The following EDNRB variants were observed in gnomAD, a reference collection of about 807,000 sequenced individuals.
EDNRB encodes endothelin receptor type B, also known as Hirschsprung disease 2.
Under a neutral mutation model 46.4 loss-of-function variants are expected in EDNRB, and 18 were observed. The ratio of observed to expected loss-of-function variants is 0.39; its 90% CI spans 0.27 to 0.57. EDNRB has a LOEUF of 0.57. Ranked by LOEUF, EDNRB falls within the 20% of genes least tolerant of loss-of-function variation. EDNRB has a pLI of 0.61. For synonymous variants in EDNRB, 213 were observed against 204.9 expected (o/e 1.04, Z -0.34); for missense variants, 434 against 537.5 (o/e 0.81, Z 1.90).
At position 77,936,417 on chromosome 13, in the gene EDNRB, C is replaced by G. The variant is rs1387760672; in HGVS notation, c.-51-17793G>C. On this transcript the variant is annotated intron_variant, in intron 1 of 7. Transcript: ENST00000646948. ...GTTTAGAAGCCTGGCCATCAATACCCACAACAGTTATGGAGGCAAGGGAAA... is the reference window on the plus strand; with the variant it reads ...GTTTAGAAGCCTGGCCATCAATACCGACAACAGTTATGGAGGCAAGGGAAA... Among the ~76,000 whole-genome samples the G allele has an allele frequency of 1.3e-5, 2 of 151,970 alleles. 1 individual carries two copies. The highest frequency in any genetic ancestry group is 4.2e-4 in the South Asian group (2 of 4,798).
chr13:77,937,899 G>A (rs1025318211), intron 1 of EDNRB, among the ~76,000 whole-genome samples: 10 of 151,992 alleles, frequency 6.6e-5, no homozygotes, highest in Non-Finnish European at 1.5e-5. Context: ...GACTAGGGAG[G>A]GACTGTTGTG....
At chr13:77,926,566 A>C (rs1376329037) in intron 1 of EDNRB, among the ~76,000 whole-genome samples, 1 of 152,148 alleles carries the variant, frequency 6.6e-6, no homozygotes, top group Non-Finnish European at 1.5e-5. Flanking sequence ...CCTGGACCTT[A>C]TTATTCATAT....
At position 77,900,608 on chromosome 13, in the gene EDNRB, G is replaced by T. The variant is rs1279092107; in HGVS notation, c.998C>A (p.Ala333Asp). The change falls in exon 5 of 7, where the codon GCC becomes GAC. Residue 333 changes from alanine to aspartate, a missense_variant. Ala to Asp is a moderately radical substitution (Grantham distance 126, BLOSUM62 -2). Transcript: ENST00000646607. ...GAGGTGAAGGGGAAGCCAGCAGAGG[G>T]CAAAGACAAGGACCAGGCAAAAGAC... ...KTVFCLVLVF[A>D]LCWLPLHLSR... 1 of 1,612,572 alleles carries T rather than the reference G, an allele frequency of 6.2e-7. No homozygotes were observed. The highest frequency in any genetic ancestry group is 8.5e-7 in the Non-Finnish European group (1 of 1,179,102).
Position 77,918,830 on chromosome 13 carries a change from T to G in EDNRB, c.-257A>C. The G allele has an allele frequency of 7.7e-7, 1 of 1,295,210 alleles. No homozygotes were observed. The highest frequency in any genetic ancestry group is 9.8e-7 in the Non-Finnish European group (1 of 1,025,460). The allele number at this position is 1,295,210 out of a possible 1,614,324, so 80.2% of individuals were successfully genotyped here. On this transcript the variant is annotated 5_prime_UTR_variant, in exon 1 of 7. Coordinates refer to ENST00000646607, the MANE Select transcript of EDNRB (RefSeq NM_001122659.3). This position sits in a 1 kb window ranked among gnomAD's most constrained non-coding sequence, Gnocchi z 4.5. ...CCTGATGCCCTCTCAGCTGTTTTTC[T>G]TCCCCCGCGTGGCCAGGAGGGGTAA... is the stretch of plus-strand genomic sequence containing the variant.
intron 1 of EDNRB, among the ~76,000 whole-genome samples, chr13:77,962,077 C>G (rs1881431974): frequency 6.6e-6 from 1 of 152,060 alleles, no homozygotes; most frequent in Admixed American, 6.5e-5. Flanking sequence ...AAGACTAAAC[C>G]AGGAAGAAGT....
chr13:77,920,943 C>T (rs528581483), upstream of EDNRB, among the ~76,000 whole-genome samples: 64 of 152,256 alleles, frequency 4.2e-4, no homozygotes, highest in African/African-American at 1.5e-3. Flanking sequence ...ACTTTTCTCT[C>T]TCCCCACTGG....
intron 1 of EDNRB, among the ~76,000 whole-genome samples, chr13:77,931,374 T>C (rs1315340033): frequency 6.6e-6 from 1 of 152,130 alleles, no homozygotes; most frequent in Non-Finnish European, 1.5e-5. Flanking sequence ...AATGACATTC[T>C]TGGAAAAACT....
intron 1 of EDNRB, chr13:77,944,775 T>G (rs1033028599): frequency 2.6e-5 from 4 of 152,204 alleles, no homozygotes; most frequent in African/African-American, 9.6e-5. Flanking sequence ...CCAAGGCATA[T>G]TTCAGTGAAC....
intron 1 of EDNRB, among the ~76,000 whole-genome samples, chr13:77,964,957 T>C (rs1458008698): frequency 6.6e-6 from 1 of 152,132 alleles, no homozygotes; most frequent in African/African-American, 2.4e-5. Context: ...GAGCACTTGA[T>C]GAGAGATGGA....
At chr13:77,917,166 AGCTT>A (rs1244097314) in intron 1 of EDNRB, among the ~76,000 whole-genome samples, 5 of 152,298 alleles carry the variant, frequency 3.3e-5, no homozygotes, top group African/African-American at 1.2e-4. Context: ...GCCATCATAT[AGCTT>A]GCACTTTGGA....
intron 1 of EDNRB, among the ~76,000 whole-genome samples, chr13:77,931,568 G>A (rs998999829): frequency 6.6e-6 from 1 of 151,918 alleles, no homozygotes; most frequent in Non-Finnish European, 1.5e-5. Flanking sequence ...GGAGACATCA[G>A]TGGCCTCTAA....
At chr13:77,919,382 A>C (rs757319401), upstream of EDNRB, 1 of 1,605,786 alleles carries the variant, frequency 6.2e-7, no homozygotes, top group Non-Finnish European at 8.5e-7. Context: ...TTCAACACCA[A>C]GCCCGAATGT....
intron 1 of EDNRB, among the ~76,000 whole-genome samples, chr13:77,943,028 A>C (rs758026759): frequency 2.3e-4 from 35 of 152,258 alleles, no homozygotes; most frequent in Middle Eastern, 6.8e-3. Context: ...ATTTAAGGCA[A>C]TATCAGTCTA....
In EDNRB at chr13:77,918,696, A is replaced by G. The variant is rs889667771; in HGVS notation, c.-123T>C. 1 of 1,401,830 alleles carries G rather than the reference A, an allele frequency of 7.1e-7. No individual in the cohort carries two copies. The highest frequency in any genetic ancestry group is 9.2e-7 in the Non-Finnish European group (1 of 1,083,294). 86.8% of individuals were successfully genotyped at this position (1,401,830 alleles called of 1,614,324 possible). A position where few individuals can be genotyped will look rare whatever the true frequency, so the allele number is the denominator to read the frequency against. ...CCGAGCCAAGTCGCTGCAAACGCTA[A>G]TACCGCCCGCAGCCTCTTCGCCAGT... On this transcript the variant is annotated 5_prime_UTR_variant, in exon 1 of 7. Coordinates refer to ENST00000646607, the MANE Select transcript of EDNRB (RefSeq NM_001122659.3). This position sits in a 1 kb window ranked among gnomAD's most constrained non-coding sequence, Gnocchi z 4.5.
chr13:77,901,185 C>G lies in EDNRB; in HGVS notation c.824G>C (p.Trp275Ser), dbSNP rs104894389. 1 of 1,610,816 alleles carries G rather than the reference C, an allele frequency of 6.2e-7. No homozygotes were observed. Among genetic ancestry groups the G allele is most frequent in the Non-Finnish European group, 8.5e-7 (1 of 1,178,082 alleles). The part of the protein sequence containing the change: ...FMQFYKTAKD[W>S]WLFSFYFCLP... ...GCAGAAATAGAAACTGAATAGCCAC[C>G]AATCTTTTGCTGTCTTGTAAAACTA... Residue 275 changes from tryptophan (W) to serine (S), a missense_variant, in exon 4 of 7, where the codon TGG becomes TCG. Transcript: ENST00000646607.
intron 3 of EDNRB, among the ~76,000 whole-genome samples, chr13:77,902,702 T>A (rs536481202): frequency 5.7e-4 from 87 of 152,130 alleles, no homozygotes; most frequent in African/African-American, 2.0e-3. Flanking sequence ...GATGCAGCAG[T>A]GGGAACTAGC....
At chr13:77,900,497 C>T (rs1191594710) in intron 5 of EDNRB, 24 bp downstream of exon 5, 4 of 1,611,780 alleles carry the variant, frequency 2.5e-6, no homozygotes, top group Non-Finnish European at 2.5e-6. Flanking sequence ...ATTTACAAAA[C>T]CATTTCTAGT....
intron 1 of EDNRB, among the ~76,000 whole-genome samples, chr13:77,972,345 T>C (rs1881760204): frequency 6.6e-6 from 1 of 152,230 alleles, no homozygotes; most frequent in African/African-American, 2.4e-5. Flanking sequence ...ACCAGGCATT[T>C]GCATCTTGGT....
In EDNRB at chr13:77,918,610, C is replaced by G. The variant is rs1050928; in HGVS notation, c.-37G>C. ...CTCCAGAAGGCGTCCGGTGGCCGCT[C>G]CGCAGTTTCAGAGCCTAGAGACAAG... On this transcript the variant is annotated 5_prime_UTR_variant, in exon 1 of 7. Transcript: ENST00000646607. The surrounding 1 kb of genome is among the most constrained non-coding windows in gnomAD (Gnocchi z 4.5). 1 of 1,560,662 alleles carries G rather than the reference C, an allele frequency of 6.4e-7. No homozygotes were observed. Among genetic ancestry groups the G allele is most frequent in the Non-Finnish European group, 8.6e-7 (1 of 1,164,170 alleles).
Sources: allele counts gnomAD v4.1 joint callset (sites outside exome capture counted in the v4.1 genomes callset), GRCh38; gene constraint gnomAD v4.1.1; non-coding constraint Gnocchi (gnomAD v3.1); transcripts MANE v1.5; gene names NCBI Gene and HGNC (gene_info 2026-07-23, HGNC 2026-07-21).